TTC27: variants seen among roughly 807,000 people sequenced by gnomAD.
The protein encoded by TTC27 is tetratricopeptide repeat domain 27.
A neutral mutation model predicts 115.9 loss-of-function variants in TTC27; 79 were observed. The ratio of observed to expected loss-of-function variants is 0.68; its 90% CI spans 0.57 to 0.82. TTC27 has a LOEUF of 0.82. Among genes scored for constraint, TTC27 ranks in the 40% least tolerant of loss-of-function variants. The probability of loss-of-function intolerance (pLI) is 0.00; values close to 1 mark genes in which losing one functional copy is unlikely to be tolerated. For synonymous variants in TTC27, 401 were observed against 356.0 expected, an observed-to-expected ratio of 1.13 and a Z score of -1.42; for missense variants, 1,054 against 993.1, an observed-to-expected ratio of 1.06 and a Z score of -0.82.
rs1008037714 is a variant in TTC27 at position 32,664,365 on chromosome 2, C to A, written c.703C>A (p.Leu235Met). The A allele has an allele frequency of 1.2e-6, 2 of 1,611,928 alleles. No individual in the cohort carries two copies. Among genetic ancestry groups the A allele is most frequent in the African/African-American group, 2.7e-5 (2 of 74,876 alleles). ...SGRYLAIQFHLECAYVFLYYY... is the reference protein window; with the variant it reads ...SGRYLAIQFHMECAYVFLYYY... ...TCGATATTTGGCTATTCAATTCCATCTGGAATGTGCATATGTGTTTTTATA... is the reference window on the plus strand; with the variant it reads ...TCGATATTTGGCTATTCAATTCCATATGGAATGTGCATATGTGTTTTTATA... Residue 235 changes from leucine (L) to methionine (M), a missense_variant, in exon 6 of 20, where the codon CTG becomes ATG. Transcript: ENST00000317907.
chr2:32,710,570 C>T (rs1296577091), intron 10 of TTC27, among the ~76,000 whole-genome samples: 4 of 151,324 alleles, frequency 2.6e-5, no homozygotes, highest in Non-Finnish European at 5.9e-5. Flanking sequence ...GCTTGGATTA[C>T]AGGCATATGC....
intron 4 of TTC27, among the ~76,000 whole-genome samples, chr2:32,644,309 G>A (rs920882291): frequency 3.3e-5 from 5 of 150,116 alleles, no homozygotes; most frequent in Non-Finnish European, 5.9e-5. Flanking sequence ...CCAAGATCGC[G>A]CACCGCACTC....
At chr2:32,740,808 C>T (rs1006464978) in intron 12 of TTC27, among the ~76,000 whole-genome samples, 26 of 152,112 alleles carry the variant, frequency 1.7e-4, no homozygotes, top group Non-Finnish European at 3.2e-4. Context: ...GCGTGCAGCA[C>T]CTTGCCTGGC....
intron 10 of TTC27, among the ~76,000 whole-genome samples, chr2:32,732,248 A>C (rs772392131): frequency 8.5e-5 from 13 of 152,224 alleles, no homozygotes; most frequent in Non-Finnish European, 1.6e-4. Flanking sequence ...TCTTTTTGCT[A>C]TTAAGTTTCT....
At chr2:32,630,751 T>C in intron 2 of TTC27, 51 bp downstream of exon 2, 1 of 1,527,554 alleles carries the variant, frequency 6.5e-7, no homozygotes, top group Non-Finnish European at 8.8e-7. Context: ...ATACATTTAA[T>C]AGCACCTTGA....
chr2:32,668,581 C>CCTTCCTTT (rs1553547655), intron 7 of TTC27, among the ~76,000 whole-genome samples: 5 of 121,598 alleles, frequency 4.1e-5, no homozygotes, highest in Non-Finnish European at 8.2e-5. Context: ...TTCCTTCCTT[C>CCTTCCTTT]CTTCCTTCCT....
intron 4 of TTC27, among the ~76,000 whole-genome samples, chr2:32,642,689 A>G (rs565432197): frequency 3.3e-5 from 5 of 151,842 alleles, no homozygotes; most frequent in African/African-American, 9.7e-5. Flanking sequence ...TTTTTTTAAG[A>G]CAGGCTCTGG....
At chr2:32,631,261 C>G (rs113154669) in intron 2 of TTC27, among the ~76,000 whole-genome samples, 3 of 152,198 alleles carry the variant, frequency 2.0e-5, no homozygotes, top group African/African-American at 7.2e-5. Context: ...CAATATCCCG[C>G]CATTGCACTC....
chr2:32,781,576 T>A (rs1247109644), intron 14 of TTC27, among the ~76,000 whole-genome samples: 1 of 152,100 alleles, frequency 6.6e-6, no homozygotes, highest in East Asian at 1.9e-4. Flanking sequence ...CTTGTTAAAG[T>A]GGGTCTGGAG....
chr2:32,753,298 A>G (rs905976851), intron 12 of TTC27, among the ~76,000 whole-genome samples: 7 of 152,126 alleles, frequency 4.6e-5, no homozygotes, highest in Non-Finnish European at 1.0e-4. Context: ...AAAGTCGCAT[A>G]GTGTCACTTT....
At chr2:32,656,411 C>G (rs1665323141) in intron 5 of TTC27, among the ~76,000 whole-genome samples, 1 of 152,094 alleles carries the variant, frequency 6.6e-6, no homozygotes, top group Non-Finnish European at 1.5e-5. Flanking sequence ...AGGTAGAGAA[C>G]TTGGAAAGGA....
chr2:32,642,015 A>G (rs755241417), intron 4 of TTC27, among the ~76,000 whole-genome samples: 19 of 151,430 alleles, frequency 1.3e-4, no homozygotes, highest in Non-Finnish European at 2.1e-4. Context: ...GCCACGATGC[A>G]TGGCTCATCT....
At chr2:32,698,103 A>G (rs561732143) in intron 9 of TTC27, among the ~76,000 whole-genome samples, 113 of 152,172 alleles carry the variant, frequency 7.4e-4, no homozygotes, top group Middle Eastern at 3.4e-3. Flanking sequence ...ACCTTATTAT[A>G]TTATTACTTG....
intron 16 of TTC27, among the ~76,000 whole-genome samples, chr2:32,788,539 G>T (rs1670423287): frequency 6.6e-6 from 1 of 152,086 alleles, no homozygotes; most frequent in Admixed American, 6.5e-5. Context: ...TGGCTTCCTT[G>T]GTCAGTCTGA....
intron 10 of TTC27, among the ~76,000 whole-genome samples, chr2:32,724,997 G>A (rs1366446707): frequency 6.6e-6 from 1 of 152,182 alleles, no homozygotes; most frequent in Non-Finnish European, 1.5e-5. Flanking sequence ...CTTGCGCAGG[G>A]AAACTTCTCT....
intron 12 of TTC27, among the ~76,000 whole-genome samples, chr2:32,754,352 G>C (rs1479778040): frequency 1.3e-5 from 2 of 148,938 alleles, no homozygotes; most frequent in African/African-American, 4.9e-5. Flanking sequence ...GACTCTTAAC[G>C]AGCATGCTGC....
rs114554500 is a variant in TTC27, at chr2:32,769,780, A to G, written c.1681-8102A>G. Among the ~76,000 whole-genome samples the G allele has an allele frequency of 9.1e-3, 1,390 of 152,344 alleles. 12 individuals are homozygous for G. The highest frequency in any genetic ancestry group is 0.024 in the Middle Eastern group (7 of 294). On this transcript the variant is annotated intron_variant, in intron 13 of 19. Transcript: ENST00000317907. ...CTATATTCTAAGCTCTTATGTAAGT[A>G]TGAACTCTTTGTAAACCATTGAGGT...
At chr2:32,667,154 G>A (rs1029663326) in intron 7 of TTC27, among the ~76,000 whole-genome samples, 10 of 152,014 alleles carry the variant, frequency 6.6e-5, no homozygotes, top group African/African-American at 2.4e-4. Flanking sequence ...TCTTCTCTTG[G>A]AATCTCTTAG....
intron 16 of TTC27, among the ~76,000 whole-genome samples, chr2:32,797,859 A>G (rs1007709630): frequency 6.6e-6 from 1 of 152,210 alleles, no homozygotes; most frequent in Non-Finnish European, 1.5e-5. Flanking sequence ...TGCAAGTAAT[A>G]TATCTGATAA....
Sources: gnomAD v4.1 joint callset for allele counts (sites outside exome capture counted in the v4.1 genomes callset) on GRCh38, gnomAD v4.1.1 for gene constraint, MANE v1.5 for transcripts, NCBI Gene and HGNC (gene_info 2026-07-23, HGNC 2026-07-21) for gene names.